DTNBP1: variants seen among roughly 807,000 people sequenced by gnomAD.
DTNBP1 encodes dysbindin.
DTNBP1 carries 35 observed loss-of-function variants against 42.8 expected under a neutral mutation model. The observed-to-expected ratio is 0.82, with a 90% CI of 0.63 to 1.09. The LOEUF (loss-of-function observed/expected upper bound fraction) is 1.09. Ranked by LOEUF, DTNBP1 falls within the 50% of genes least tolerant of loss-of-function variation. The pLI, the probability that DTNBP1 is intolerant of heterozygous loss-of-function variation, is 0.00. For synonymous variants in DTNBP1, 171 were observed against 162.2 expected (o/e 1.05, Z -0.41); for missense variants, 457 against 424.2 (o/e 1.08, Z -0.68).
At chr6:15,526,072 AG>A (rs1286329867) in intron 8 of DTNBP1, among the ~76,000 whole-genome samples, 2 of 152,248 alleles carry the variant, frequency 1.3e-5, no homozygotes, top group East Asian at 1.9e-4. Flanking sequence ...CAATAATAAA[AG>A]CCAGAAGACT....
At chr6:15,558,487 G>A (rs1049227952) in intron 7 of DTNBP1, among the ~76,000 whole-genome samples, 3 of 152,002 alleles carry the variant, frequency 2.0e-5, no homozygotes, top group Non-Finnish European at 4.4e-5. Flanking sequence ...GACTGGTCTT[G>A]AACTCCTGAC....
At chr6:15,563,714 C>G (rs1218057484) in intron 7 of DTNBP1, among the ~76,000 whole-genome samples, 1 of 152,206 alleles carries the variant, frequency 6.6e-6, no homozygotes, top group Non-Finnish European at 1.5e-5. Flanking sequence ...ACTCTGCACT[C>G]TTTGACTAAT....
At chr6:15,626,857 C>CT (rs1759379350) in intron 5 of DTNBP1, among the ~76,000 whole-genome samples, 2 of 152,168 alleles carry the variant, frequency 1.3e-5, no homozygotes, top group African/African-American at 4.8e-5. Context: ...ATAGCTGCAA[C>CT]TGCAGGCACG....
chr6:15,616,622 A>G (rs911745564), intron 5 of DTNBP1, among the ~76,000 whole-genome samples: 14 of 152,238 alleles, frequency 9.2e-5, no homozygotes, highest in South Asian at 6.2e-4. Context: ...CGGCTACAAT[A>G]TAATTCCTTC....
intron 7 of DTNBP1, among the ~76,000 whole-genome samples, chr6:15,554,951 G>A (rs1257972198): frequency 1.3e-5 from 2 of 151,964 alleles, no homozygotes; most frequent in African/African-American, 4.8e-5. Flanking sequence ...TCTGGTGGTT[G>A]GTTGAAATCA....
intron 4 of DTNBP1, among the ~76,000 whole-genome samples, chr6:15,628,906 C>T (rs1248697266): frequency 6.6e-6 from 1 of 152,184 alleles, no homozygotes; most frequent in Non-Finnish European, 1.5e-5. Context: ...AGCTATGACA[C>T]ATCTCCCTGT....
intron 8 of DTNBP1, among the ~76,000 whole-genome samples, chr6:15,525,512 C>G (rs1772322116): frequency 6.6e-6 from 1 of 152,220 alleles, no homozygotes; most frequent in Admixed American, 6.5e-5. Context: ...GCAGCAGAAA[C>G]AAACATCATC....
At chr6:15,592,725 A>G (rs1776349583) in intron 7 of DTNBP1, among the ~76,000 whole-genome samples, 1 of 152,192 alleles carries the variant, frequency 6.6e-6, no homozygotes, top group Non-Finnish European at 1.5e-5. Flanking sequence ...GCACCTCTTG[A>G]TCTTTGTCAC....
At chr6:15,577,809 C>T (rs1775645507) in intron 7 of DTNBP1, among the ~76,000 whole-genome samples, 1 of 151,746 alleles carries the variant, frequency 6.6e-6, no homozygotes, top group Non-Finnish European at 1.5e-5. Flanking sequence ...GAGAAAAGGC[C>T]CAAGGATTAA....
intron 6 of DTNBP1, among the ~76,000 whole-genome samples, chr6:15,604,056 G>C (rs1776833076): frequency 6.6e-6 from 1 of 152,178 alleles, no homozygotes; most frequent in Non-Finnish European, 1.5e-5. Flanking sequence ...CCACTTCCCT[G>C]CAGTGCACCC....
intron 5 of DTNBP1, among the ~76,000 whole-genome samples, chr6:15,622,642 T>C (rs1046595479): frequency 3.3e-5 from 5 of 152,200 alleles, no homozygotes; most frequent in African/African-American, 1.2e-4. Context: ...AGCCTCACCA[T>C]TTTGCTCGCT....
chr6:15,641,620 G>C (rs751472590), intron 3 of DTNBP1, among the ~76,000 whole-genome samples: 1 of 152,146 alleles, frequency 6.6e-6, no homozygotes, highest in Non-Finnish European at 1.5e-5. Flanking sequence ...GTACATGCGT[G>C]TCCACACTCC....
chr6:15,627,935 C>CA (rs1759449128), intron 4 of DTNBP1, among the ~76,000 whole-genome samples: 1 of 152,094 alleles, frequency 6.6e-6, no homozygotes. Flanking sequence ...TACCATGTTT[C>CA]AATTTACATT....
intron 7 of DTNBP1, among the ~76,000 whole-genome samples, chr6:15,561,950 A>G (rs1774864387): frequency 6.6e-6 from 1 of 152,264 alleles, no homozygotes; most frequent in Non-Finnish European, 1.5e-5. Context: ...CACTCCCAGC[A>G]GTCCCATGAC....
chr6:15,566,430 A>C (rs1775085688), intron 7 of DTNBP1, among the ~76,000 whole-genome samples: 1 of 151,926 alleles, frequency 6.6e-6, no homozygotes. Context: ...CCATGGGAAG[A>C]GGGGGTCAGG....
At chr6:15,533,533 G>T (rs999303527) in intron 7 of DTNBP1, 138 bp from the exon 8 acceptor site, 1 of 1,402,990 alleles carries the variant, frequency 7.1e-7, no homozygotes, top group South Asian at 1.2e-5. Flanking sequence ...CCCCGACTGC[G>T]TGTACAGCTG....
intron 4 of DTNBP1, among the ~76,000 whole-genome samples, chr6:15,629,201 A>G (rs1759541933): frequency 6.6e-6 from 1 of 152,018 alleles, no homozygotes; most frequent in Non-Finnish European, 1.5e-5. Context: ...ACCACCCACT[A>G]TTTGCTAAGC....
intron 8 of DTNBP1, among the ~76,000 whole-genome samples, chr6:15,532,768 C>T (rs1160585728): frequency 1.5e-5 from 2 of 129,274 alleles, no homozygotes; most frequent in Non-Finnish European, 3.1e-5. Context: ...GGTGCGATCT[C>T]GGCTCATGGC....
At chr6:15,571,230 T>C (rs1775326272) in intron 7 of DTNBP1, among the ~76,000 whole-genome samples, 1 of 152,188 alleles carries the variant, frequency 6.6e-6, no homozygotes, top group African/African-American at 2.4e-5. Flanking sequence ...GTACTACTTA[T>C]TCTCTCTATT....
Sources: gnomAD v4.1 joint callset for allele counts (sites outside exome capture counted in the v4.1 genomes callset) on GRCh38, gnomAD v4.1.1 for gene constraint, MANE v1.5 for transcripts, NCBI Gene and HGNC (gene_info 2026-07-23, HGNC 2026-07-21) for gene names.